AP5M1: variants seen among roughly 807,000 people sequenced by gnomAD.
AP5M1 encodes AP-5 complex subunit mu-1.
AP5M1 carries 44 observed loss-of-function variants against 52.3 expected under a neutral mutation model. The ratio of observed to expected loss-of-function variants is 0.84; its 90% CI spans 0.66 to 1.08. The LOEUF is 1.08. AP5M1 is among the 50% of genes least tolerant of loss of function. The pLI is 0.00. For synonymous variants in AP5M1, 213 were observed against 199.0 expected, an observed-to-expected ratio of 1.07 and a Z score of -0.59; for missense variants, 526 against 568.4, an observed-to-expected ratio of 0.93 and a Z score of 0.76.
At chr14:57,280,895 T>C (rs762823194) in intron 3 of AP5M1, among the ~76,000 whole-genome samples, 9 of 152,202 alleles carry the variant, frequency 5.9e-5, no homozygotes, top group East Asian at 3.9e-4. Context: ...ATACCTCTTA[T>C]CTTTGGTGTC....
intron 1 of AP5M1, chr14:57,273,846 C>T: frequency 3.0e-6 from 2 of 656,904 alleles, no homozygotes; most frequent in Admixed American, 4.8e-5. Context: ...GTTAGCCCTA[C>T]TCTAGCTACT....
rs1405397174 is a variant in AP5M1 at position 57,289,545 on chromosome 14, G to T, written c.*661G>T. 1 of 151,960 alleles carries T rather than the reference G, an allele frequency of 6.6e-6. No homozygotes were observed. Among genetic ancestry groups the T allele is most frequent in the African/African-American group, 2.4e-5 (1 of 41,396 alleles). The allele number at this position is 151,960 out of a possible 1,614,324, so 9.4% of individuals were successfully genotyped here. A position where few individuals can be genotyped will look rare whatever the true frequency, so the allele number is the denominator to read the frequency against. On this transcript the variant is annotated 3_prime_UTR_variant, in exon 8 of 8. Coordinates refer to ENST00000261558, the MANE Select transcript of AP5M1 (RefSeq NM_018229.4). ...TAAGGTGTGTAATCTCTGTTCTAGA[G>T]TTAGTTTTTAAGTAAGCTTGTTAAT...
rs933370573 is a variant in AP5M1 at position 57,295,878 on chromosome 14, A to T, written c.*6994A>T. 1 of 151,988 alleles carries T rather than the reference A, an allele frequency of 6.6e-6. No individual in the cohort carries two copies. Among genetic ancestry groups the T allele is most frequent in the African/African-American group, 2.4e-5 (1 of 41,398 alleles). The allele number at this position is 151,988 out of a possible 1,614,324, so 9.4% of individuals were successfully genotyped here. ...AAACAATTGTGAAATTACTGAAATG[A>T]GTATGTAATTGAGTATGTAATATAT... On this transcript the variant is annotated 3_prime_UTR_variant, in exon 8 of 8. Transcript: ENST00000261558.
rs1885413274 is a variant in AP5M1, at chr14:57,290,468, G to T, written c.*1584G>T. On this transcript the variant is annotated 3_prime_UTR_variant, in exon 8 of 8. Coordinates refer to ENST00000261558, the MANE Select transcript of AP5M1 (RefSeq NM_018229.4). The stretch of plus-strand genomic sequence containing the variant: ...TTTCACTTATGTTGATAAGTTAATG[G>T]TAATGGAGCCATTTGGAATCTTGAT... 6.6e-6 allele frequency: 1 copy of T among 151,932 alleles called. No homozygotes were observed. Among genetic ancestry groups the T allele is most frequent in the South Asian group, 2.1e-4 (1 of 4,824 alleles). The allele number at this position is 151,932 out of a possible 1,614,324, so 9.4% of individuals were successfully genotyped here. A position where few individuals can be genotyped will look rare whatever the true frequency, so the allele number is the denominator to read the frequency against.
At position 57,292,737 on chromosome 14, in the gene AP5M1, T is replaced by A. The variant is rs1041252764; in HGVS notation, c.*3853T>A. ...GACTGAGAAAATGCTTCTGTTTTAT[T>A]AAGCTGCATGGTTTCTTCTCACCTT... On this transcript the variant is annotated 3_prime_UTR_variant, in exon 8 of 8. Transcript: ENST00000261558. 6.6e-6 allele frequency: 1 copy of A among 151,798 alleles called. No individual in the cohort carries two copies. The highest frequency in any genetic ancestry group is 2.4e-5 in the African/African-American group (1 of 41,402). 9.4% of individuals were successfully genotyped at this position (151,798 alleles called of 1,614,324 possible).
Position 57,274,826 on chromosome 14 carries a change from C to T in AP5M1, c.657C>T (p.Ser219=), listed in dbSNP as rs1463465430. ...TTTCTATCACTGAAAAGGTAAAATCCATGCAATATGATAAACAGGGTATAG... is the reference window on the plus strand; with the variant it reads ...TTTCTATCACTGAAAAGGTAAAATCTATGCAATATGATAAACAGGGTATAG... ...VSISITEKVK[S]MQYDKQGIAD... is the part of the protein sequence containing the mutation. Residue 219 remains serine (S), a synonymous_variant, in exon 2 of 8, where the codon TCC becomes TCT. Transcript: ENST00000261558. 1.2e-6 allele frequency: 2 copies of T among 1,614,138 alleles called. No individual in the cohort carries two copies. Among genetic ancestry groups the T allele is most frequent in the Admixed American group, 3.3e-5 (2 of 60,026 alleles).
At chr14:57,287,630 C>T (rs951964885) in intron 7 of AP5M1, among the ~76,000 whole-genome samples, 7 of 152,094 alleles carry the variant, frequency 4.6e-5, no homozygotes, top group Non-Finnish European at 1.0e-4. Context: ...TGAAAGAACT[C>T]ATTTTAAATT....
At position 57,295,817 on chromosome 14, in the gene AP5M1, A is replaced by C. The variant is rs969867979; in HGVS notation, c.*6933A>C. 1 of 151,964 alleles carries C rather than the reference A, an allele frequency of 6.6e-6. No homozygotes were observed. The highest frequency in any genetic ancestry group is 1.5e-5 in the Non-Finnish European group (1 of 67,920). 9.4% of individuals were successfully genotyped at this position (151,964 alleles called of 1,614,324 possible). A position where few individuals can be genotyped will look rare whatever the true frequency, so the allele number is the denominator to read the frequency against. ...ACTTTCCTCCCAGAAGCTGCAATAC[A>C]TAAGAAATAATAAGCTGAAAATAAT... On this transcript the variant is annotated 3_prime_UTR_variant, in exon 8 of 8. Coordinates refer to ENST00000261558, the MANE Select transcript of AP5M1 (RefSeq NM_018229.4).
intron 7 of AP5M1, among the ~76,000 whole-genome samples, chr14:57,288,020 G>C (rs1386177426): frequency 6.6e-6 from 1 of 152,042 alleles, no homozygotes; most frequent in African/African-American, 2.4e-5. Flanking sequence ...TCTGGAATCT[G>C]TCCACTTAAC....
In AP5M1 at chr14:57,292,166, TG is replaced by T. The variant is rs1016268643; in HGVS notation, c.*3285del. ...GGAAAAGGAGGCAAAAAGCTAAACA[TG>T]GGATGAATTCTGAACCTTTTAACCT... On this transcript the variant is annotated 3_prime_UTR_variant, in exon 8 of 8. Coordinates refer to ENST00000261558, the MANE Select transcript of AP5M1 (RefSeq NM_018229.4). 1.3e-5 allele frequency: 2 copies of T among 151,888 alleles called. No individual in the cohort carries two copies. Among genetic ancestry groups the T allele is most frequent in the African/African-American group, 4.8e-5 (2 of 41,404 alleles). The allele number at this position is 151,888 out of a possible 1,614,324, so 9.4% of individuals were successfully genotyped here. A position where few individuals can be genotyped will look rare whatever the true frequency, so the allele number is the denominator to read the frequency against.
In AP5M1 at chr14:57,298,476, G is replaced by GT. The variant is rs1192713201; in HGVS notation, c.*9593dup. On this transcript the variant is annotated 3_prime_UTR_variant, in exon 8 of 8. Transcript: ENST00000261558. ...TGGTCTTCAGTTTCCTCCCAACTTTGTAGGGTTATTGTGAGCATTGAATGA... is the reference window on the plus strand; with the variant it reads ...TGGTCTTCAGTTTCCTCCCAACTTTGTTAGGGTTATTGTGAGCATTGAATGA... The GT allele has an allele frequency of 1.3e-5, 2 of 152,096 alleles. No homozygotes were observed. Among genetic ancestry groups the GT allele is most frequent in the Non-Finnish European group, 2.9e-5 (2 of 68,026 alleles). 9.4% of individuals were successfully genotyped at this position (152,096 alleles called of 1,614,324 possible). A position where few individuals can be genotyped will look rare whatever the true frequency, so the allele number is the denominator to read the frequency against.
At chr14:57,272,508 C>T (rs898965706) in intron 1 of AP5M1, among the ~76,000 whole-genome samples, 18 of 152,074 alleles carry the variant, frequency 1.2e-4, no homozygotes, top group Non-Finnish European at 2.1e-4. Flanking sequence ...CCCATTTAAG[C>T]CTTGAATCCT....
At chr14:57,273,629 C>T in intron 1 of AP5M1, 1 of 654,480 alleles carries the variant, frequency 1.5e-6, no homozygotes, top group Non-Finnish European at 2.8e-6. Flanking sequence ...TGATTTTATT[C>T]TTTTTTATTA....
chr14:57,276,177 A>G (rs1291866915), intron 2 of AP5M1, among the ~76,000 whole-genome samples: 1 of 152,224 alleles, frequency 6.6e-6, no homozygotes, highest in Non-Finnish European at 1.5e-5. Context: ...CTTTATTAGA[A>G]ATAACTATTG....
chr14:57,288,389 G>A (rs1229717629), intron 7 of AP5M1, among the ~76,000 whole-genome samples: 1 of 152,014 alleles, frequency 6.6e-6, no homozygotes, highest in Non-Finnish European at 1.5e-5. Context: ...GAAGTTAGGT[G>A]TTAATTTATA....
intron 7 of AP5M1, among the ~76,000 whole-genome samples, chr14:57,288,336 A>G (rs1482312974): frequency 6.6e-6 from 1 of 152,096 alleles, no homozygotes; most frequent in Non-Finnish European, 1.5e-5. Flanking sequence ...GATCAGAACT[A>G]TAATAAGAAA....
chr14:57,294,897 T>C lies in AP5M1; in HGVS notation c.*6013T>C, dbSNP rs570496507. ...ACACAAGATTTCTCTTTCTTGATCT[T>C]GTTGATGATGATTGTGTTCTAGCTC... On this transcript the variant is annotated 3_prime_UTR_variant, in exon 8 of 8. Transcript: ENST00000261558. 23 of 152,044 alleles carry C rather than the reference T, an allele frequency of 1.5e-4. No homozygotes were observed. The Middle Eastern group carries it at 0.024, about 157-fold the overall frequency. The allele number at this position is 152,044 out of a possible 1,614,324, so 9.4% of individuals were successfully genotyped here.
intron 1 of AP5M1, among the ~76,000 whole-genome samples, chr14:57,272,957 C>A (rs1884929329): frequency 6.6e-6 from 1 of 151,992 alleles, no homozygotes; most frequent in Non-Finnish European, 1.5e-5. Flanking sequence ...GATGGAGTCT[C>A]ACTCTGTTGC....
intron 7 of AP5M1, among the ~76,000 whole-genome samples, chr14:57,287,145 A>C (rs919183716): frequency 4.5e-4 from 69 of 152,234 alleles, no homozygotes; most frequent in African/African-American, 1.5e-3. Flanking sequence ...AGTTATCTAA[A>C]CTTAAACAAC....
Sources: gnomAD v4.1 joint callset for allele counts (sites outside exome capture counted in the v4.1 genomes callset) on GRCh38, gnomAD v4.1.1 for gene constraint, MANE v1.5 for transcripts, NCBI Gene and HGNC (gene_info 2026-07-23, HGNC 2026-07-21) for gene names.